Variants in NRG3 observed in about 807,000 individuals in gnomAD.
The protein encoded by NRG3 is neuregulin 3.
A neutral mutation model predicts 66.9 loss-of-function variants in NRG3; 31 were observed. The ratio of observed to expected loss-of-function variants is 0.46; its 90% CI spans 0.35 to 0.63. The LOEUF is 0.63. NRG3 is among the 20% of genes least tolerant of loss of function. The pLI is 0.00. For synonymous variants in NRG3, 393 were observed against 359.4 expected (o/e 1.09, Z -1.06); for missense variants, 910 against 878.9 (o/e 1.04, Z -0.45).
At chr10:82,401,297 A>G (rs1390168060) in intron 2 of NRG3, among the ~76,000 whole-genome samples, 2 of 152,136 alleles carry the variant, frequency 1.3e-5, no homozygotes, top group African/African-American at 4.8e-5. Flanking sequence ...AAATTTATAC[A>G]TACACATGTA....
intron 2 of NRG3, among the ~76,000 whole-genome samples, chr10:82,624,463 T>C (rs909581485): frequency 7.9e-5 from 12 of 152,130 alleles, no homozygotes; most frequent in South Asian, 2.1e-4. Flanking sequence ...TAATGATTCC[T>C]ATCTTTAATC....
rs533675575 is a variant in NRG3, at chr10:82,983,703, T to G, written c.1584-1395T>G. ...ATGAGTTAATTGGAGTTGAAAGTGA[T>G]TTTTACAAGCACTGTACAGATGTTA... On this transcript the variant is annotated intron_variant, in intron 8 of 8. Transcript: ENST00000372141. Among the ~76,000 whole-genome samples, 7 of 152,350 alleles carry G rather than the reference T, an allele frequency of 4.6e-5. No individual in the cohort carries two copies. In the South Asian group the frequency reaches 1.4e-3, roughly 32 times the overall value.
intron 1 of NRG3, among the ~76,000 whole-genome samples, chr10:82,171,166 A>C (rs892673465): frequency 2.0e-5 from 3 of 152,044 alleles, no homozygotes; most frequent in East Asian, 1.9e-4. Flanking sequence ...GTATTTCAAA[A>C]ATAGAAGTCC....
chr10:82,945,576 A>G (rs1436477915), intron 4 of NRG3, among the ~76,000 whole-genome samples: 1 of 152,174 alleles, frequency 6.6e-6, no homozygotes, highest in Non-Finnish European at 1.5e-5. Context: ...TGAGCTCAGG[A>G]GACAGAGAGA....
chr10:82,396,914 T>A (rs1241621321), intron 2 of NRG3, among the ~76,000 whole-genome samples: 1 of 152,200 alleles, frequency 6.6e-6, no homozygotes, highest in Admixed American at 6.5e-5. Context: ...GAATTTGCTA[T>A]CAACCCCTTA....
chr10:82,522,413 T>C (rs1565022818), intron 2 of NRG3, among the ~76,000 whole-genome samples: 1 of 152,124 alleles, frequency 6.6e-6, no homozygotes. Context: ...ACAATATGTA[T>C]TGTTTTCCAC....
chr10:82,861,192 GAGAA>G (rs1380999861), intron 3 of NRG3, among the ~76,000 whole-genome samples: 6 of 151,744 alleles, frequency 4.0e-5, no homozygotes, highest in African/African-American at 7.3e-5. Flanking sequence ...GTGAGAGAGA[GAGAA>G]AGAAAGAGAA....
chr10:82,147,815 G>T (rs1453973408), intron 1 of NRG3, among the ~76,000 whole-genome samples: 1 of 152,198 alleles, frequency 6.6e-6, no homozygotes, highest in Admixed American at 6.5e-5. Context: ...TCTGTAAGAT[G>T]ATGGTTGCAG....
intron 2 of NRG3, among the ~76,000 whole-genome samples, chr10:82,527,812 C>G (rs1427054006): frequency 1.3e-5 from 2 of 152,120 alleles, no homozygotes; most frequent in Admixed American, 6.5e-5. Context: ...CTCCGTCTCT[C>G]CTTTCTGTTT....
chr10:82,616,598 G>GTGA (rs1309484244), intron 2 of NRG3, among the ~76,000 whole-genome samples: 2 of 152,058 alleles, frequency 1.3e-5, no homozygotes, highest in Non-Finnish European at 2.9e-5. Flanking sequence ...CACATCTTAC[G>GTGA]TGATCATATT....
intron 2 of NRG3, among the ~76,000 whole-genome samples, chr10:82,435,869 A>T (rs1431997056): frequency 6.7e-6 from 1 of 148,540 alleles, no homozygotes; most frequent in Admixed American, 6.8e-5. Flanking sequence ...GAGTTTCTTA[A>T]TCCTGAGTTC....
chr10:82,415,208 A>G (rs2088452115), intron 2 of NRG3, among the ~76,000 whole-genome samples: 1 of 152,154 alleles, frequency 6.6e-6, no homozygotes, highest in African/African-American at 2.4e-5. Flanking sequence ...AAATGAAAGC[A>G]ATTCATGAGC....
intron 2 of NRG3, among the ~76,000 whole-genome samples, chr10:82,683,934 G>T (rs563098803): frequency 6.6e-6 from 1 of 152,086 alleles, no homozygotes; most frequent in East Asian, 1.9e-4. Flanking sequence ...ATGGAAAAAA[G>T]CCCTGAGGTG....
chr10:82,032,017 C>G lies in NRG3; in HGVS notation c.823+155854C>G, dbSNP rs573249563. Among the ~76,000 whole-genome samples the G allele has an allele frequency of 1.5e-4, 23 of 152,064 alleles. No homozygotes were observed. The Middle Eastern group carries it at 0.02, about 135-fold the overall frequency. Reference sequence around the variant, plus strand: ...ATTCAGGAGTCAGGCAGTTGCTGTTCCTTGTTAGGAGAAGTAGAAAGCCAT... The same window carrying G: ...ATTCAGGAGTCAGGCAGTTGCTGTTGCTTGTTAGGAGAAGTAGAAAGCCAT... On this transcript the variant is annotated intron_variant, in intron 1 of 8. Coordinates refer to ENST00000372141, the MANE Select transcript of NRG3 (RefSeq NM_001010848.4).
chr10:82,743,207 A>G (rs1468851588), intron 3 of NRG3, among the ~76,000 whole-genome samples: 1 of 152,102 alleles, frequency 6.6e-6, no homozygotes, highest in East Asian at 1.9e-4. Context: ...CAGTGTATAC[A>G]GCTTAAACAC....
At chr10:82,416,186 A>G (rs1477967538) in intron 2 of NRG3, among the ~76,000 whole-genome samples, 2 of 152,198 alleles carry the variant, frequency 1.3e-5, no homozygotes, top group Non-Finnish European at 2.9e-5. Context: ...ATACCTTTCA[A>G]GACAAAGTCC....
At chr10:82,711,575 G>A (rs2056671138) in intron 2 of NRG3, among the ~76,000 whole-genome samples, 1 of 151,130 alleles carries the variant, frequency 6.6e-6, no homozygotes, top group Non-Finnish European at 1.5e-5. Flanking sequence ...GTGTGAGATG[G>A]TGCATAATTT....
At position 82,629,359 on chromosome 10, in the gene NRG3, A is replaced by T. The variant is rs115512478; in HGVS notation, c.954-109218A>T. Reference sequence around the variant, plus strand: ...AAGGTTGAAGTACAAAAAAAGAAAAAGAAAATAAGTAATGTATGCATTTTA... The same window carrying T: ...AAGGTTGAAGTACAAAAAAAGAAAATGAAAATAAGTAATGTATGCATTTTA... On this transcript the variant is annotated intron_variant, in intron 2 of 8. Coordinates refer to ENST00000372141, the MANE Select transcript of NRG3 (RefSeq NM_001010848.4). Among the ~76,000 whole-genome samples the T allele has an allele frequency of 1.6e-3, 245 of 152,354 alleles. 2 individuals carry two copies. Among genetic ancestry groups the T allele is most frequent in the African/African-American group, 5.7e-3 (236 of 41,586 alleles).
chr10:82,460,211 A>G (rs577407975), intron 2 of NRG3, among the ~76,000 whole-genome samples: 1 of 152,172 alleles, frequency 6.6e-6, no homozygotes, highest in Admixed American at 6.5e-5. Flanking sequence ...GAGTTGGTAC[A>G]TTGGGTTATG....
Sources: allele counts gnomAD v4.1 joint callset (sites outside exome capture counted in the v4.1 genomes callset), GRCh38; gene constraint gnomAD v4.1.1; transcripts MANE v1.5; gene names NCBI Gene and HGNC (gene_info 2026-07-23, HGNC 2026-07-21).